Variants in LDLRAP1 observed in about 807,000 individuals in gnomAD.
LDLRAP1 encodes the protein low density lipoprotein receptor adaptor protein 1, also known as low density lipoprotein receptor adapter protein 1.
LDLRAP1 carries 30 observed loss-of-function variants against 37.8 expected under a neutral mutation model. The ratio of observed to expected loss-of-function variants is 0.79; its 90% CI spans 0.59 to 1.08. The LOEUF is 1.08. Ranked by LOEUF, LDLRAP1 falls within the 50% of genes least tolerant of loss-of-function variation. The pLI, the probability that LDLRAP1 is intolerant of heterozygous loss-of-function variation, is 0.00. For synonymous variants in LDLRAP1, 156 were observed against 169.8 expected (o/e 0.92, Z 0.63); for missense variants, 375 against 401.6 (o/e 0.93, Z 0.57).
At chr1:25,575,036 G>A in the LDLRAP1 span, among the ~76,000 whole-genome samples, 4 of 152,298 alleles carry the variant, frequency 2.6e-5, no homozygotes, top group East Asian at 3.9e-4. Flanking sequence ...CCTCCCCAGC[G>A]GTCTCTAACA....
At position 25,543,612 on chromosome 1, in the gene LDLRAP1, C is replaced by T. The variant is rs1238102770; in HGVS notation, c.-87C>T. On this transcript the variant is annotated 5_prime_UTR_variant, in exon 1 of 9. Coordinates refer to ENST00000374338, the MANE Select transcript of LDLRAP1 (RefSeq NM_015627.3). ...AGCTGGCGCTGGGAGGGGAGGAGCGCGCAGCCCGCGCGCCGCAGGGCCGGG... is the reference window on the plus strand; with the variant it reads ...AGCTGGCGCTGGGAGGGGAGGAGCGTGCAGCCCGCGCGCCGCAGGGCCGGG... The T allele has an allele frequency of 6.2e-6, 6 of 961,126 alleles. No individual in the cohort carries two copies. The highest frequency in any genetic ancestry group is 5.1e-5 in the African/African-American group (3 of 58,310). The allele number at this position is 961,126 out of a possible 1,614,324, so 59.5% of individuals were successfully genotyped here.
intron 7 of LDLRAP1, 116 bp downstream of exon 7, chr1:25,563,907 C>A (rs143687568): frequency 2.9e-6 from 4 of 1,386,366 alleles, no homozygotes; most frequent in Non-Finnish European, 4.0e-6. Context: ...CTGGGAGGAC[C>A]AGACCCAGCC....
At chr1:25,573,034 C>T (rs2124712230), downstream of LDLRAP1, among the ~76,000 whole-genome samples, 1 of 150,734 alleles carries the variant, frequency 6.6e-6, no homozygotes, top group Admixed American at 6.7e-5. Flanking sequence ...GCCTGTATCT[C>T]AGTCTCCTCA....
intron 4 of LDLRAP1, 99 bp downstream of exon 4, chr1:25,557,366 G>T: frequency 1.1e-6 from 1 of 908,000 alleles, no homozygotes; most frequent in South Asian, 1.4e-5. Context: ...ACCCAAAGGT[G>T]ACCATTACTT....
intron 1 of LDLRAP1, among the ~76,000 whole-genome samples, chr1:25,547,601 C>G (rs1401651872): frequency 6.6e-6 from 1 of 152,096 alleles, no homozygotes; most frequent in Non-Finnish European, 1.5e-5. Context: ...AGAACGTGCT[C>G]TTCAGAGCCG....
downstream of LDLRAP1, among the ~76,000 whole-genome samples, chr1:25,572,502 G>T (rs2044618756): frequency 6.6e-6 from 1 of 152,176 alleles, no homozygotes; most frequent in Non-Finnish European, 1.5e-5. Flanking sequence ...TGGTTTTCAT[G>T]CTGTCTTCAA....
Position 25,557,002 on chromosome 1 carries a change from G to A in LDLRAP1, c.345-151G>A, listed in dbSNP as rs989254545. On this transcript the variant is annotated intron_variant, in intron 3 of 8. Transcript: ENST00000374338. ...CCTGCACAGATGGCCTAGGTACCCAGCCTGGAGGCCAAGGCTGGATTCCCA... is the reference window on the plus strand; with the variant it reads ...CCTGCACAGATGGCCTAGGTACCCAACCTGGAGGCCAAGGCTGGATTCCCA... 1.1e-5 allele frequency: 8 copies of A among 716,454 alleles called. No homozygotes were observed. In the African/African-American group the frequency reaches 1.4e-4, roughly 13 times the overall value. 44.4% of individuals were successfully genotyped at this position (716,454 alleles called of 1,614,324 possible). A position where few individuals can be genotyped will look rare whatever the true frequency, so the allele number is the denominator to read the frequency against.
intron 4 of LDLRAP1, 155 bp downstream of exon 4, chr1:25,557,422 C>G (rs1250641829): frequency 1.5e-6 from 1 of 653,578 alleles, no homozygotes; most frequent in African/African-American, 1.8e-5. Context: ...GTGCCGAGAG[C>G]TAAGGGGTAC....
the LDLRAP1 span, among the ~76,000 whole-genome samples, chr1:25,588,701 C>T: frequency 6.6e-6 from 1 of 152,242 alleles, no homozygotes; most frequent in East Asian, 1.9e-4. Flanking sequence ...ACGCCGGTCC[C>T]CTGGGCCCCC....
intron 1 of LDLRAP1, among the ~76,000 whole-genome samples, chr1:25,545,706 G>A (rs36042187): frequency 1.8e-4 from 28 of 152,300 alleles, no homozygotes; most frequent in Non-Finnish European, 2.8e-4. Context: ...AGGGCAGGCC[G>A]AGCCCCACCT....
chr1:25,554,142 T>C lies in LDLRAP1; in HGVS notation c.231+78T>C. On this transcript the variant is annotated intron_variant, in intron 2 of 8. Coordinates refer to ENST00000374338, the MANE Select transcript of LDLRAP1 (RefSeq NM_015627.3). The surrounding 1 kb of genome is among the most constrained non-coding windows in gnomAD (Gnocchi z 5.4). ...CTTCCCAGGGTGCCCTCGTCCCAGC[T>C]TGTTACTCCAGTTGGGTGTGTCTGA... 1 of 1,563,952 alleles carries C rather than the reference T, an allele frequency of 6.4e-7. No homozygotes were observed. Among genetic ancestry groups the C allele is most frequent in the South Asian group, 1.1e-5 (1 of 89,354 alleles).
chr1:25,557,764 A>G (rs1028461289), intron 4 of LDLRAP1, among the ~76,000 whole-genome samples: 3 of 151,740 alleles, frequency 2.0e-5, no homozygotes, highest in Non-Finnish European at 4.4e-5. Context: ...CAGAGTGTGG[A>G]GGACAGTGAC....
intron 1 of LDLRAP1, among the ~76,000 whole-genome samples, chr1:25,550,951 T>TGGAAAGGGGCCA (rs1321943143): frequency 6.6e-6 from 1 of 151,918 alleles, no homozygotes; most frequent in East Asian, 1.9e-4. Context: ...GAAGTGACTT[T>TGGAAAGGGGCCA]GGAAAGGGGC....
downstream of LDLRAP1, among the ~76,000 whole-genome samples, chr1:25,573,064 G>C (rs2044626671): frequency 2.0e-5 from 3 of 150,936 alleles, no homozygotes; most frequent in South Asian, 6.3e-4. Context: ...TAGGATAAAG[G>C]TGCAGTCCAA....
the LDLRAP1 span, among the ~76,000 whole-genome samples, chr1:25,584,149 T>C: frequency 3.3e-5 from 5 of 152,178 alleles, no homozygotes; most frequent in South Asian, 8.3e-4. Flanking sequence ...TGTGGGAACA[T>C]GTGTGTGCTC....
the LDLRAP1 span, chr1:25,581,642 G>T: frequency 3.8e-3 from 575 of 152,522 alleles, 9 homozygotes; most frequent in African/African-American, 0.013. Context: ...TTTGAGGAGT[G>T]GGACCGGCAG....
chr1:25,564,113 C>A (rs2124694112), intron 7 of LDLRAP1: 2 of 385,598 alleles, frequency 5.2e-6, no homozygotes, highest in African/African-American at 4.1e-5. Context: ...CTCGCTCCTA[C>A]CACCCCTCCC....
the LDLRAP1 span, among the ~76,000 whole-genome samples, chr1:25,578,181 C>T: frequency 6.6e-6 from 1 of 152,166 alleles, no homozygotes; most frequent in African/African-American, 2.4e-5. Context: ...TCTCTCTCCT[C>T]AGCACACAAA....
intron 1 of LDLRAP1, chr1:25,550,091 C>G (rs1160386419): frequency 6.6e-6 from 1 of 152,312 alleles, no homozygotes; most frequent in African/African-American, 2.4e-5. Context: ...GGTGTGGCTG[C>G]AGGAGGAAGA....
Sources: allele counts gnomAD v4.1 joint callset (sites outside exome capture counted in the v4.1 genomes callset), GRCh38; gene constraint gnomAD v4.1.1; non-coding constraint Gnocchi (gnomAD v3.1); transcripts MANE v1.5; gene names NCBI Gene and HGNC (gene_info 2026-07-23, HGNC 2026-07-21).